Variants in HYCC1 observed in about 807,000 individuals in gnomAD.
HYCC1 encodes the protein hyccin PI4KA lipid kinase complex subunit 1, also known as hyccin.
At chr7:22,995,452 T>C in the HYCC1 span, among the ~76,000 whole-genome samples, 1 of 152,158 alleles carries the variant, frequency 6.6e-6, no homozygotes, top group Non-Finnish European at 1.5e-5. Context: ...TACTCAATCC[T>C]ACGATCAAAG....
chr7:22,986,039 T>C, the HYCC1 span, among the ~76,000 whole-genome samples: 7 of 151,392 alleles, frequency 4.6e-5, no homozygotes, highest in African/African-American at 7.3e-5. Context: ...TATATATATA[T>C]ATATCATCTA....
chr7:22,928,441 A>C, the HYCC1 span, among the ~76,000 whole-genome samples: 6 of 152,234 alleles, frequency 3.9e-5, no homozygotes, highest in South Asian at 2.1e-4. Flanking sequence ...AAAACCCCAT[A>C]GTCTCAGCCC....
At chr7:22,987,995 C>T in the HYCC1 span, among the ~76,000 whole-genome samples, 1 of 152,094 alleles carries the variant, frequency 6.6e-6, no homozygotes, top group African/African-American at 2.4e-5. Flanking sequence ...TCAAGAGATA[C>T]GTTACTCTAA....
At chr7:22,951,974 G>A in the HYCC1 span, among the ~76,000 whole-genome samples, 9 of 152,016 alleles carry the variant, frequency 5.9e-5, no homozygotes, top group East Asian at 1.7e-3. Flanking sequence ...TTGTTATACT[G>A]TTCTTCAACA....
At chr7:22,907,497 A>T in the HYCC1 span, among the ~76,000 whole-genome samples, 1 of 152,194 alleles carries the variant, frequency 6.6e-6, no homozygotes, top group East Asian at 1.9e-4. Context: ...CCTTTTAGGT[A>T]TTAGAGACTT....
chr7:22,926,802 G>T, the HYCC1 span, among the ~76,000 whole-genome samples: 8 of 151,484 alleles, frequency 5.3e-5, no homozygotes, highest in African/African-American at 1.7e-4. Flanking sequence ...AGGATATCCA[G>T]GAATTGAACT....
chr7:22,980,862 T>G, the HYCC1 span, among the ~76,000 whole-genome samples: 1 of 152,308 alleles, frequency 6.6e-6, no homozygotes, highest in African/African-American at 2.4e-5. Context: ...CTCATAGGCC[T>G]GTCTCAAAGT....
chr7:22,941,649 A>G, the HYCC1 span: 1 of 152,142 alleles, frequency 6.6e-6, no homozygotes, highest in Admixed American at 6.6e-5. Flanking sequence ...AAAACACAAA[A>G]ACATCTCCCA....
the HYCC1 span, among the ~76,000 whole-genome samples, chr7:22,969,123 C>A: frequency 6.6e-6 from 1 of 152,254 alleles, no homozygotes; most frequent in African/African-American, 2.4e-5. Flanking sequence ...GAGGGAATAT[C>A]CTAAAAATAT....
chr7:22,956,391 G>A, the HYCC1 span, among the ~76,000 whole-genome samples: 4 of 151,778 alleles, frequency 2.6e-5, no homozygotes, highest in Admixed American at 2.6e-4. Flanking sequence ...AAATTATGAA[G>A]TCATTAGAAT....
At chr7:22,970,555 T>C in the HYCC1 span, among the ~76,000 whole-genome samples, 1 of 152,132 alleles carries the variant, frequency 6.6e-6, no homozygotes, top group East Asian at 1.9e-4. Flanking sequence ...GGAAATAAAC[T>C]AGGGTGGGAA....
chr7:22,943,647 C>T, the HYCC1 span: 14 of 152,482 alleles, frequency 9.2e-5, no homozygotes, highest in African/African-American at 2.9e-4. Flanking sequence ...TCTTAAAATG[C>T]CAAATTAGTT....
the HYCC1 span, among the ~76,000 whole-genome samples, chr7:22,903,076 G>A: frequency 6.6e-6 from 1 of 152,120 alleles, no homozygotes; most frequent in East Asian, 1.9e-4. Flanking sequence ...GATAAATTTT[G>A]GAAAGGAGGT....
At chr7:22,908,119 A>C in the HYCC1 span, among the ~76,000 whole-genome samples, 1 of 152,200 alleles carries the variant, frequency 6.6e-6, no homozygotes, top group East Asian at 1.9e-4. Flanking sequence ...CTGAGTTTAT[A>C]ATTTTGTTTT....
At chr7:22,963,617 C>T in the HYCC1 span, among the ~76,000 whole-genome samples, 5 of 152,074 alleles carry the variant, frequency 3.3e-5, no homozygotes, top group African/African-American at 1.2e-4. Context: ...CTTAATGGGC[C>T]AGACAATAAG....
At chr7:22,944,690 C>G in the HYCC1 span, 1 of 152,110 alleles carries the variant, frequency 6.6e-6, no homozygotes. Flanking sequence ...AAGATTTACA[C>G]TGATTTCCAG....
the HYCC1 span, among the ~76,000 whole-genome samples, chr7:22,931,291 C>T: frequency 3.4e-5 from 5 of 148,626 alleles, no homozygotes; most frequent in Admixed American, 2.0e-4. Flanking sequence ...GTCACCACTA[C>T]GAGTGGTGAC....
At chr7:22,975,391 C>G in the HYCC1 span, among the ~76,000 whole-genome samples, 1 of 152,168 alleles carries the variant, frequency 6.6e-6, no homozygotes, top group Non-Finnish European at 1.5e-5. Context: ...CTATCATTAA[C>G]TACTCTTTTA....
chr7:22,926,372 A>G, the HYCC1 span, among the ~76,000 whole-genome samples: 1 of 152,204 alleles, frequency 6.6e-6, no homozygotes, highest in African/African-American at 2.4e-5. Flanking sequence ...GCTCCAATTA[A>G]AAGGCACTGA....
Sources: allele counts gnomAD v4.1 joint callset (sites outside exome capture counted in the v4.1 genomes callset), GRCh38; gene constraint gnomAD v4.1.1; transcripts MANE v1.5; gene names NCBI Gene and HGNC (gene_info 2026-07-23, HGNC 2026-07-21).